The following CD58 variants were observed in gnomAD, a reference collection of about 807,000 sequenced individuals.
CD58 encodes the protein lymphocyte function-associated antigen 3.
In CD58, 14 loss-of-function variants were observed where a neutral mutation model predicts 27.6. The ratio of observed to expected loss-of-function variants is 0.51; its 90% CI spans 0.34 to 0.79. The LOEUF (loss-of-function observed/expected upper bound fraction) is 0.79. Ranked by LOEUF, CD58 falls within the 30% of genes least tolerant of loss-of-function variation. The pLI, the probability that CD58 is intolerant of heterozygous loss-of-function variation, is 0.02. For missense variants in CD58, 268 were observed against 301.7 expected (o/e 0.89, Z 0.83); for synonymous variants, 117 against 103.8 (o/e 1.13, Z -0.77).
chr1:116,570,978 G>T lies in CD58; in HGVS notation c.-6C>A. ...GCGTCGCTCCCAGCAACCATGGCTC[G>T]TCGGGCCGGCCTCTGCGCGAGTGCC... On this transcript the variant is annotated 5_prime_UTR_variant, in exon 1 of 6. Coordinates refer to ENST00000369489, the MANE Select transcript of CD58 (RefSeq NM_001779.3). This position sits in a 1 kb window ranked among gnomAD's most constrained non-coding sequence, Gnocchi z 6.4. The T allele has an allele frequency of 1.9e-6, 3 of 1,544,546 alleles. No homozygotes were observed. The highest frequency in any genetic ancestry group is 2.6e-6 in the Non-Finnish European group (3 of 1,152,430).
At chr1:116,533,048 C>T in intron 3 of CD58, 2 of 727,686 alleles carry the variant, frequency 2.7e-6, no homozygotes, top group South Asian at 1.4e-5. Flanking sequence ...TTCTTCTTCA[C>T]CTTCGTCAAA....
rs1465854390 is a variant in CD58, at chr1:116,519,722, AT to A, written c.707-456del. ...ATTTCAACATGTACTCAATATAAACATTTTTTAATGAGATATTTTATATTCT... is the reference window on the plus strand; with the variant it reads ...ATTTCAACATGTACTCAATATAAACATTTTTAATGAGATATTTTATATTCT... On this transcript the variant is annotated intron_variant, in intron 4 of 5. Transcript: ENST00000369489. The surrounding 1 kb of genome is among the most constrained non-coding windows in gnomAD (Gnocchi z 4.7). Among the ~76,000 whole-genome samples the A allele has an allele frequency of 3.9e-5, 6 of 152,324 alleles. No individual in the cohort carries two copies. The East Asian group carries it at 9.6e-4, about 24-fold the overall frequency.
rs891459309 is a variant in CD58, at chr1:116,517,905, G to A, written c.743+1326C>T. On this transcript the variant is annotated intron_variant, in intron 5 of 5. Transcript: ENST00000369489. The surrounding 1 kb of genome is among the most constrained non-coding windows in gnomAD (Gnocchi z 6.5). ...ATTCATAATTTTCCTTCCCAACCAA[G>A]ATTCCTGTGTGACTCCTCTGTGACA... 6.6e-6 allele frequency among the ~76,000 whole-genome samples: 1 copy of A among 152,096 alleles called. No individual in the cohort carries two copies. Among genetic ancestry groups the A allele is most frequent in the Non-Finnish European group, 1.5e-5 (1 of 68,026 alleles).
Position 116,517,410 on chromosome 1 carries a change from T to C in CD58, c.743+1821A>G, listed in dbSNP as rs1272287075. On this transcript the variant is annotated intron_variant, in intron 5 of 5. Coordinates refer to ENST00000369489, the MANE Select transcript of CD58 (RefSeq NM_001779.3). This position sits in a 1 kb window ranked among gnomAD's most constrained non-coding sequence, Gnocchi z 6.5. ...CCCCCAGGCCTCCTGCCACAGCTTG[T>C]TTCTCCTGCACTGTTCCACCTGGCA... Among the ~76,000 whole-genome samples the C allele has an allele frequency of 6.6e-6, 1 of 152,050 alleles. No homozygotes were observed. The highest frequency in any genetic ancestry group is 1.9e-4 in the East Asian group (1 of 5,190).
chr1:116,548,131 C>T (rs1008881889), intron 1 of CD58, among the ~76,000 whole-genome samples: 3 of 152,062 alleles, frequency 2.0e-5, no homozygotes, highest in Admixed American at 1.3e-4. Flanking sequence ...TGTCCTTGGC[C>T]CACTTTTTGA....
At chr1:116,553,023 G>C (rs544968808) in intron 1 of CD58, among the ~76,000 whole-genome samples, 24 of 151,714 alleles carry the variant, frequency 1.6e-4, no homozygotes, top group Admixed American at 4.6e-4. Flanking sequence ...TAATTTTTGG[G>C]CAAATAGTGA....
At chr1:116,555,582 T>TAAATTTTAAATAAA in intron 1 of CD58, among the ~76,000 whole-genome samples, 1 of 152,338 alleles carries the variant, frequency 6.6e-6, no homozygotes, top group Non-Finnish European at 1.5e-5. Flanking sequence ...TAAATAAAGA[T>TAAATTTTAAATAAA]ATGAGGGTAC....
At chr1:116,543,110 C>T (rs555198661) in intron 2 of CD58, among the ~76,000 whole-genome samples, 1 of 152,298 alleles carries the variant, frequency 6.6e-6, no homozygotes, top group Admixed American at 6.5e-5. Flanking sequence ...ATAGGCAAAG[C>T]AGCGGACTTA....
Position 116,559,056 on chromosome 1 carries a change from T to G in CD58, c.70+11847A>C, listed in dbSNP as rs1183909436. 1.3e-5 allele frequency among the ~76,000 whole-genome samples: 2 copies of G among 152,108 alleles called. No homozygotes were observed. The highest frequency in any genetic ancestry group is 3.8e-4 in the East Asian group (2 of 5,198). ...TAAATGAAAAAGTAAATATCTTTTA[T>G]TTGGATGATGTTGGATGATGTTAAG... is the stretch of plus-strand genomic sequence containing the variant. On this transcript the variant is annotated intron_variant, in intron 1 of 5. Transcript: ENST00000369489. The surrounding 1 kb of genome is among the most constrained non-coding windows in gnomAD (Gnocchi z 4.4).
In CD58 at chr1:116,523,529, A is replaced by C. The variant is rs1002990750; in HGVS notation, c.629-1546T>G. The stretch of plus-strand genomic sequence containing the variant: ...CAGATTTGAGAAGACCCTGGCCAGA[A>C]ACTGCTAGGTGCCCCCGAACATCAT... On this transcript the variant is annotated intron_variant, in intron 3 of 5. Coordinates refer to ENST00000369489, the MANE Select transcript of CD58 (RefSeq NM_001779.3). This position sits in a 1 kb window ranked among gnomAD's most constrained non-coding sequence, Gnocchi z 4.4. Among the ~76,000 whole-genome samples, 1 of 152,156 alleles carries C rather than the reference A, an allele frequency of 6.6e-6. No homozygotes were observed. Among genetic ancestry groups the C allele is most frequent in the Non-Finnish European group, 1.5e-5 (1 of 68,020 alleles).
intron 1 of CD58, among the ~76,000 whole-genome samples, chr1:116,567,453 T>C (rs1055466033): frequency 5.3e-5 from 8 of 151,908 alleles, no homozygotes; most frequent in East Asian, 3.9e-4. Flanking sequence ...CTGGGCAACA[T>C]AGGGAAACCC....
chr1:116,550,201 A>G lies in CD58; in HGVS notation c.71-5597T>C, dbSNP rs1658345312. On this transcript the variant is annotated intron_variant, in intron 1 of 5. Transcript: ENST00000369489. The surrounding 1 kb of genome is among the most constrained non-coding windows in gnomAD (Gnocchi z 4.2). Reference sequence around the variant, plus strand: ...AGAAGACAATGATGAGTTTTGCTGCATCAATGGACCCTTCCTTTCACAAAA... The same window carrying G: ...AGAAGACAATGATGAGTTTTGCTGCGTCAATGGACCCTTCCTTTCACAAAA... 6.6e-6 allele frequency among the ~76,000 whole-genome samples: 1 copy of G among 152,228 alleles called. No individual in the cohort carries two copies. Among genetic ancestry groups the G allele is most frequent in the Non-Finnish European group, 1.5e-5 (1 of 68,040 alleles).
At position 116,552,230 on chromosome 1, in the gene CD58, G is replaced by A. The variant is rs1376920742; in HGVS notation, c.71-7626C>T. 6.6e-6 allele frequency among the ~76,000 whole-genome samples: 1 copy of A among 152,150 alleles called. No homozygotes were observed. Among genetic ancestry groups the A allele is most frequent in the African/African-American group, 2.4e-5 (1 of 41,426 alleles). ...GAGGCCAGGAGAAGGAGAAAGATGGGGAGAACAGCCAGTCAGTGGAGCAGT... is the reference window on the plus strand; with the variant it reads ...GAGGCCAGGAGAAGGAGAAAGATGGAGAGAACAGCCAGTCAGTGGAGCAGT... On this transcript the variant is annotated intron_variant, in intron 1 of 5. Transcript: ENST00000369489. The surrounding 1 kb of genome is among the most constrained non-coding windows in gnomAD (Gnocchi z 4.5).
intron 3 of CD58, among the ~76,000 whole-genome samples, chr1:116,525,876 C>A (rs1428159039): frequency 1.3e-5 from 2 of 152,182 alleles, no homozygotes; most frequent in South Asian, 2.1e-4. Context: ...GTCTTGAACT[C>A]CTGACCTCAG....
Position 116,522,128 on chromosome 1 carries a change from G to T in CD58, c.629-145C>A. The T allele has an allele frequency of 3.5e-6, 2 of 567,998 alleles. No homozygotes were observed. Among genetic ancestry groups the T allele is most frequent in the Non-Finnish European group, 3.2e-6 (1 of 310,430 alleles). 35.2% of individuals were successfully genotyped at this position (567,998 alleles called of 1,614,324 possible). ...TCAATACCCAAAGCAGTCATTCTCA[G>T]ACATAAGAACAGTGATGAAAACTTT... On this transcript the variant is annotated intron_variant, in intron 3 of 5. Transcript: ENST00000369489. This position sits in a 1 kb window ranked among gnomAD's most constrained non-coding sequence, Gnocchi z 4.6.
At chr1:116,565,177 C>T (rs1023178723) in intron 1 of CD58, among the ~76,000 whole-genome samples, 2 of 152,210 alleles carry the variant, frequency 1.3e-5, no homozygotes, top group Non-Finnish European at 2.9e-5. Context: ...ATCATAATTT[C>T]ACTCCTGTTC....
intron 1 of CD58, among the ~76,000 whole-genome samples, chr1:116,566,673 A>G (rs1658945481): frequency 6.6e-6 from 1 of 152,184 alleles, no homozygotes; most frequent in African/African-American, 2.4e-5. Flanking sequence ...AGGTGTTCCC[A>G]CTTGTCAAAT....
At position 116,563,088 on chromosome 1, in the gene CD58, A is replaced by G. The variant is rs1658809232; in HGVS notation, c.70+7815T>C. On this transcript the variant is annotated intron_variant, in intron 1 of 5. Coordinates refer to ENST00000369489, the MANE Select transcript of CD58 (RefSeq NM_001779.3). This position sits in a 1 kb window ranked among gnomAD's most constrained non-coding sequence, Gnocchi z 4.1. ...ATGGGGGTACAGGTGCTGAGTAAAT[A>G]TATCCATTCCAAATGGGAGAAATTG... Among the ~76,000 whole-genome samples the G allele has an allele frequency of 6.6e-6, 1 of 152,216 alleles. No homozygotes were observed. Among genetic ancestry groups the G allele is most frequent in the Non-Finnish European group, 1.5e-5 (1 of 68,034 alleles).
At chr1:116,564,665 G>T (rs1160989227) in intron 1 of CD58, among the ~76,000 whole-genome samples, 1 of 152,170 alleles carries the variant, frequency 6.6e-6, no homozygotes, top group Admixed American at 6.5e-5. Context: ...AATATTGTGA[G>T]ACTTATTCAC....
Sources: allele counts gnomAD v4.1 joint callset (sites outside exome capture counted in the v4.1 genomes callset), GRCh38; gene constraint gnomAD v4.1.1; non-coding constraint Gnocchi (gnomAD v3.1); transcripts MANE v1.5; gene names NCBI Gene and HGNC (gene_info 2026-07-23, HGNC 2026-07-21).